The following NFASC variants were observed in gnomAD, a reference collection of about 807,000 sequenced individuals.
NFASC encodes the protein neurofascin homolog.
NFASC carries 43 observed loss-of-function variants against 147.5 expected under a neutral mutation model. The ratio of observed to expected loss-of-function variants is 0.29; its 90% CI spans 0.23 to 0.38. The LOEUF is 0.38. Among genes scored for constraint, NFASC ranks in the 10% least tolerant of loss-of-function variants. The probability of loss-of-function intolerance (pLI) is 1.00; values close to 1 mark genes in which losing one functional copy is unlikely to be tolerated. For synonymous variants in NFASC, 622 were observed against 665.5 expected (o/e 0.93, Z 1.01); for missense variants, 1,320 against 1,689.0 (o/e 0.78, Z 3.83).
intron 11 of NFASC, among the ~76,000 whole-genome samples, chr1:204,971,411 C>A (rs2095251985): frequency 6.6e-6 from 1 of 152,074 alleles, no homozygotes; most frequent in Admixed American, 6.6e-5. Context: ...TTCAAAATGT[C>A]CTGTCCTTAC....
Position 204,897,966 on chromosome 1 carries a change from C to T in NFASC, c.-199-22666C>T, listed in dbSNP as rs1410917891. ...TTGGCCAGGCTGGTCTCGAACTCCT[C>T]ATCTCAAGTGATCCACCCGCCTCAG... On this transcript the variant is annotated intron_variant, in intron 1 of 29. Coordinates refer to ENST00000339876, the MANE Select transcript of NFASC (RefSeq NM_001005388.3). 2.6e-5 allele frequency among the ~76,000 whole-genome samples: 4 copies of T among 152,032 alleles called. No homozygotes were observed. In the East Asian group the frequency reaches 7.7e-4, roughly 29 times the overall value.
At chr1:204,886,685 T>A (rs2081369515) in intron 1 of NFASC, among the ~76,000 whole-genome samples, 1 of 152,192 alleles carries the variant, frequency 6.6e-6, no homozygotes, top group Non-Finnish European at 1.5e-5. Flanking sequence ...TCAACCCCCT[T>A]GTACAAATCA....
At chr1:204,939,038 A>ATGGGTGTGTGTGTGTG (rs1553266033) in intron 2 of NFASC, among the ~76,000 whole-genome samples, 1 of 123,670 alleles carries the variant, frequency 8.1e-6, no homozygotes, top group Non-Finnish European at 1.7e-5. Flanking sequence ...GTATGGATGG[A>ATGGGTGTGTGTGTGTG]TGTGTGTGTG....
chr1:204,909,533 G>A (rs2086845968), intron 1 of NFASC, among the ~76,000 whole-genome samples: 1 of 152,230 alleles, frequency 6.6e-6, no homozygotes, highest in East Asian at 1.9e-4. Flanking sequence ...TCTCCCACTC[G>A]TCATCTTCTT....
intron 1 of NFASC, among the ~76,000 whole-genome samples, chr1:204,860,171 A>G (rs528398244): frequency 6.6e-6 from 1 of 152,310 alleles, no homozygotes; most frequent in South Asian, 2.1e-4. Context: ...GTGATGTTGT[A>G]ATCAAATGGC....
At chr1:204,985,709 T>C (rs1047213223) in intron 21 of NFASC, among the ~76,000 whole-genome samples, 1 of 152,210 alleles carries the variant, frequency 6.6e-6, no homozygotes, top group Admixed American at 6.5e-5. Context: ...CCTTATTTCT[T>C]GTTTAATATA....
At chr1:204,908,716 C>T (rs1157346934) in intron 1 of NFASC, among the ~76,000 whole-genome samples, 1 of 152,170 alleles carries the variant, frequency 6.6e-6, no homozygotes, top group Non-Finnish European at 1.5e-5. Context: ...CCTCCCCCTT[C>T]CTTAACCCCT....
chr1:204,883,068 T>G (rs963882621), intron 1 of NFASC, among the ~76,000 whole-genome samples: 2 of 151,970 alleles, frequency 1.3e-5, no homozygotes, highest in African/African-American at 4.8e-5. Context: ...GTGTTGGAGT[T>G]GTCTCCAGAG....
At position 204,828,797 on chromosome 1, in the gene NFASC, A is replaced by G; in HGVS notation, c.-200+15A>G. 1.0e-6 allele frequency: 1 copy of G among 985,248 alleles called. No individual in the cohort carries two copies. Among genetic ancestry groups the G allele is most frequent in the Non-Finnish European group, 1.2e-6 (1 of 829,914 alleles). The allele number at this position is 985,248 out of a possible 1,614,324, so 61.0% of individuals were successfully genotyped here. On this transcript the variant is annotated intron_variant, in intron 1 of 29. Transcript: ENST00000339876. ...AGCCCTTGGAGGTAGGCGAGCGCGA[A>G]CACCGGAGAGATGGGGGTAGAGAGT...
At chr1:204,933,600 A>G (rs2092561304) in intron 2 of NFASC, among the ~76,000 whole-genome samples, 1 of 152,196 alleles carries the variant, frequency 6.6e-6, no homozygotes, top group Admixed American at 6.5e-5. Flanking sequence ...GGAAGAAAGA[A>G]TATTAGGATA....
intron 28 of NFASC, among the ~76,000 whole-genome samples, chr1:205,011,849 T>A (rs1185492130): frequency 6.6e-6 from 1 of 151,670 alleles, no homozygotes; most frequent in Admixed American, 6.6e-5. Flanking sequence ...GGAGGCTGAA[T>A]GGGTGGATCA....
At chr1:204,879,310 G>A (rs2079649899) in intron 1 of NFASC, among the ~76,000 whole-genome samples, 1 of 146,446 alleles carries the variant, frequency 6.8e-6, no homozygotes, top group African/African-American at 2.5e-5. Flanking sequence ...TTATGGAAAT[G>A]TGTACGTTGT....
chr1:205,003,515 C>G (rs2794864), intron 27 of NFASC, among the ~76,000 whole-genome samples: 128,758 of 152,184 alleles, frequency 0.85, 57,807 homozygotes, highest in East Asian at 1. Context: ...CAGGGCACTC[C>G]CTGGTCTGAG....
rs997776989 is a variant in NFASC, at chr1:205,016,913, G to A, written c.*374G>A. The A allele has an allele frequency of 2.9e-6, 1 of 348,238 alleles. No individual in the cohort carries two copies. The highest frequency in any genetic ancestry group is 5.6e-6 in the Non-Finnish European group (1 of 177,220). The allele number at this position is 348,238 out of a possible 1,614,324, so 21.6% of individuals were successfully genotyped here. On this transcript the variant is annotated 3_prime_UTR_variant, in exon 30 of 30. Transcript: ENST00000339876. This position sits in a 1 kb window ranked among gnomAD's most constrained non-coding sequence, Gnocchi z 5.1. ...CTTCTCATTGTCTTAATTTCGCTTT[G>A]TGCATCTTCCCCTCCAGACCCAATG...
chr1:204,843,833 TC>T (rs1676192287), intron 1 of NFASC, among the ~76,000 whole-genome samples: 1 of 152,086 alleles, frequency 6.6e-6, no homozygotes, highest in Non-Finnish European at 1.5e-5. Flanking sequence ...TGCCTTAGCC[TC>T]CCGAGTAGCT....
chr1:204,898,086 T>C (rs1477846717), intron 1 of NFASC, among the ~76,000 whole-genome samples: 1 of 152,226 alleles, frequency 6.6e-6, no homozygotes, highest in African/African-American at 2.4e-5. Flanking sequence ...TCTCACCGTG[T>C]TGCCCAGACT....
At chr1:205,004,429 T>C (rs985115325) in intron 27 of NFASC, among the ~76,000 whole-genome samples, 4 of 152,232 alleles carry the variant, frequency 2.6e-5, no homozygotes, top group Admixed American at 2.6e-4. Context: ...ATAGCTTGCT[T>C]TCCAGTGATG....
chr1:204,882,569 G>A (rs1307414102), intron 1 of NFASC, among the ~76,000 whole-genome samples: 3 of 151,920 alleles, frequency 2.0e-5, no homozygotes, highest in East Asian at 3.9e-4. Context: ...CTGCACTTAC[G>A]TCTCTGTTTA....
chr1:204,997,619 A>G, intron 25 of NFASC: 1 of 638,022 alleles, frequency 1.6e-6, no homozygotes, highest in Non-Finnish European at 2.8e-6. Flanking sequence ...CCTGACACAC[A>G]CACACTCCTT....
Sources: allele counts gnomAD v4.1 joint callset (sites outside exome capture counted in the v4.1 genomes callset), GRCh38; gene constraint gnomAD v4.1.1; non-coding constraint Gnocchi (gnomAD v3.1); transcripts MANE v1.5; gene names NCBI Gene and HGNC (gene_info 2026-07-23, HGNC 2026-07-21).